The following MCTP2 variants were observed in gnomAD, a reference collection of about 807,000 sequenced individuals.
MCTP2 encodes the protein multiple C2 and transmembrane domain containing 2.
In MCTP2, 132 loss-of-function variants were observed where a neutral mutation model predicts 111.6. That is an observed-to-expected ratio of 1.18 (90% confidence interval 1.03 to 1.37). The LOEUF (loss-of-function observed/expected upper bound fraction) is 1.37, where lower values mean the gene tolerates loss of function less well. Ranked by LOEUF, MCTP2 falls within the 40% of genes most tolerant of loss-of-function variation. The pLI, the probability that MCTP2 is intolerant of heterozygous loss-of-function variation, is 0.00. For missense variants in MCTP2, 1,183 were observed against 1,067.9 expected, an observed-to-expected ratio of 1.11 and a Z score of -1.50; for synonymous variants, 395 against 387.7, an observed-to-expected ratio of 1.02 and a Z score of -0.22.
At chr15:94,440,031 G>T (rs966585323) in intron 17 of MCTP2, 145 bp from the exon 18 acceptor site, 2 of 866,018 alleles carry the variant, frequency 2.3e-6, no homozygotes, top group African/African-American at 1.7e-5. Flanking sequence ...GTTGATCATT[G>T]TGTGTGTGCG....
At chr15:94,471,784 C>G (rs1481213505) in intron 21 of MCTP2, among the ~76,000 whole-genome samples, 1 of 149,970 alleles carries the variant, frequency 6.7e-6, no homozygotes, top group Admixed American at 6.7e-5. Flanking sequence ...AAGTATTTTC[C>G]TGAATAATTT....
At chr15:94,329,861 A>T (rs1596374138) in intron 4 of MCTP2, among the ~76,000 whole-genome samples, 1 of 152,178 alleles carries the variant, frequency 6.6e-6, no homozygotes, top group Middle Eastern at 3.4e-3. Context: ...AATATACAAT[A>T]CCCTTCCATT....
At chr15:94,311,335 T>G (rs187618197) in intron 2 of MCTP2, among the ~76,000 whole-genome samples, 28 of 152,170 alleles carry the variant, frequency 1.8e-4, no homozygotes, top group African/African-American at 6.0e-4. Context: ...CCTAGGAACA[T>G]TTTTTAAAAA....
chr15:94,385,059 G>A (rs2080378648), intron 13 of MCTP2, among the ~76,000 whole-genome samples: 1 of 152,162 alleles, frequency 6.6e-6, no homozygotes, highest in African/African-American at 2.4e-5. Flanking sequence ...TTTAAAAAAT[G>A]TTAACTCCTT....
chr15:94,414,545 G>A (rs1481904545), intron 17 of MCTP2, among the ~76,000 whole-genome samples: 2 of 152,170 alleles, frequency 1.3e-5, no homozygotes, highest in Non-Finnish European at 1.5e-5. Flanking sequence ...TGTGAGATTA[G>A]CAGTTGGAAC....
intron 17 of MCTP2, among the ~76,000 whole-genome samples, chr15:94,412,815 T>G (rs544884275): frequency 9.9e-5 from 15 of 152,222 alleles, no homozygotes; most frequent in African/African-American, 3.6e-4. Context: ...ACCCTCAATT[T>G]TTTTTGCAAG....
chr15:94,288,815 G>T, intron 1 of MCTP2, among the ~76,000 whole-genome samples: 1 of 152,150 alleles, frequency 6.6e-6, no homozygotes. Context: ...ATGTGAAGTG[G>T]CACCAATGGA....
intron 17 of MCTP2, among the ~76,000 whole-genome samples, chr15:94,411,808 C>A (rs2082164099): frequency 1.3e-5 from 2 of 152,034 alleles, no homozygotes; most frequent in Non-Finnish European, 2.9e-5. Flanking sequence ...ATCATCTAAG[C>A]CTTGCTCTTG....
At chr15:94,320,720 T>G (rs1221123474) in intron 4 of MCTP2, among the ~76,000 whole-genome samples, 2 of 152,172 alleles carry the variant, frequency 1.3e-5, no homozygotes, top group Non-Finnish European at 2.9e-5. Flanking sequence ...CAAAAAGGAT[T>G]TATATGATTT....
chr15:94,314,837 G>T (rs2076309092), intron 3 of MCTP2: 2 of 450,632 alleles, frequency 4.4e-6, no homozygotes, highest in South Asian at 3.1e-5. Context: ...TGCATTTCTG[G>T]AGGAGGAAGT....
rs570984243 is a variant in MCTP2 at position 94,479,442 on chromosome 15, C to T, written c.*408C>T. The T allele has an allele frequency of 3.5e-5, 7 of 198,808 alleles. No individual in the cohort carries two copies. In the East Asian group the frequency reaches 8.0e-4, roughly 23 times the overall value. The allele number at this position is 198,808 out of a possible 1,614,324, so 12.3% of individuals were successfully genotyped here. A position where few individuals can be genotyped will look rare whatever the true frequency, so the allele number is the denominator to read the frequency against. Reference sequence around the variant, plus strand: ...AGATTCAGTTATTTCCGCTCCCCAGCCCCACACTCCTTTCAGATTATCGTT... The same window carrying T: ...AGATTCAGTTATTTCCGCTCCCCAGTCCCACACTCCTTTCAGATTATCGTT... On this transcript the variant is annotated 3_prime_UTR_variant, in exon 23 of 23. Coordinates refer to ENST00000357742, the MANE Select transcript of MCTP2 (RefSeq NM_001385001.1).
rs71132992 is a variant in MCTP2, at chr15:94,236,377, C to CTTTTTTTTTTTTTTTTTT, written c.-66+4724_-66+4741dup. On this transcript the variant is annotated intron_variant, in intron 1 of 22. Transcript: ENST00000357742. ...TATGATTCAATCCTTTCTTTTTTTT[C>CTTTTTTTTTTTTTTTTTT]TTTTTTTTTTTTTTTTTTTTTTTTT... 3.6e-3 allele frequency among the ~76,000 whole-genome samples: 263 copies of CTTTTTTTTTTTTTTTTTT among 72,496 alleles called. 28 individuals are homozygous for CTTTTTTTTTTTTTTTTTT. The highest frequency in any genetic ancestry group is 5.4e-3 in the African/African-American group (103 of 19,016). 47.6% of individuals were successfully genotyped at this position (72,496 alleles called of 152,430 possible). A position where few individuals can be genotyped will look rare whatever the true frequency, so the allele number is the denominator to read the frequency against.
chr15:94,269,142 A>G (rs1438828473), intron 1 of MCTP2, among the ~76,000 whole-genome samples: 1 of 152,160 alleles, frequency 6.6e-6, no homozygotes, highest in Non-Finnish European at 1.5e-5. Flanking sequence ...TAAAGGGCCC[A>G]TTGAAGTATC....
chr15:94,274,662 T>C (rs1325632746), intron 1 of MCTP2, among the ~76,000 whole-genome samples: 1 of 152,092 alleles, frequency 6.6e-6, no homozygotes, highest in East Asian at 1.9e-4. Context: ...ATAACAAAAC[T>C]GACAAAAGAG....
At chr15:94,283,304 G>T (rs1417182829) in intron 1 of MCTP2, among the ~76,000 whole-genome samples, 1 of 152,116 alleles carries the variant, frequency 6.6e-6, no homozygotes, top group African/African-American at 2.4e-5. Context: ...TTGCTCTGTC[G>T]GGGTCCAGCA....
At chr15:94,463,761 A>C (rs2085355640) in intron 20 of MCTP2, among the ~76,000 whole-genome samples, 1 of 152,066 alleles carries the variant, frequency 6.6e-6, no homozygotes, top group Admixed American at 6.5e-5. Flanking sequence ...TTTTATTCCT[A>C]GTTTGCTATG....
At chr15:94,402,279 G>A (rs908532319) in intron 17 of MCTP2, 2 of 982,418 alleles carry the variant, frequency 2.0e-6, no homozygotes, top group African/African-American at 3.5e-5. Flanking sequence ...GTATAGCCCT[G>A]CATTGTGTGT....
At chr15:94,408,479 A>G (rs548179781) in intron 17 of MCTP2, among the ~76,000 whole-genome samples, 92 of 152,338 alleles carry the variant, frequency 6.0e-4, no homozygotes, top group Middle Eastern at 3.4e-3. Flanking sequence ...ACTACATAAT[A>G]TACTTTCAAA....
chr15:94,404,597 C>G (rs2081803642), intron 17 of MCTP2, among the ~76,000 whole-genome samples: 1 of 152,130 alleles, frequency 6.6e-6, no homozygotes, highest in Non-Finnish European at 1.5e-5. Context: ...CCGCACCTGG[C>G]CTCCGTTTCA....
Sources: allele counts gnomAD v4.1 joint callset (sites outside exome capture counted in the v4.1 genomes callset), GRCh38; gene constraint gnomAD v4.1.1; transcripts MANE v1.5; gene names NCBI Gene and HGNC (gene_info 2026-07-23, HGNC 2026-07-21).